NPAS3: variants seen among roughly 807,000 people sequenced by gnomAD.
NPAS3 encodes neuronal PAS domain protein 3, also known as neuronal PAS domain-containing protein 3.
NPAS3 carries 14 observed loss-of-function variants against 73.1 expected under a neutral mutation model. The observed-to-expected ratio is 0.19, with a 90% CI of 0.13 to 0.30. The LOEUF (loss-of-function observed/expected upper bound fraction) is 0.30. Among genes scored for constraint, NPAS3 ranks in the 10% least tolerant of loss-of-function variants. The pLI is 1.00. For missense variants in NPAS3, 1,096 were observed against 1,250.0 expected (o/e 0.88, Z 1.86); for synonymous variants, 620 against 541.5 (o/e 1.14, Z -2.01).
At chr14:33,384,599 C>T (rs1594808872) in intron 4 of NPAS3, among the ~76,000 whole-genome samples, 1 of 152,162 alleles carries the variant, frequency 6.6e-6, no homozygotes, top group South Asian at 2.1e-4. Context: ...CATGGTGGCA[C>T]ATGCCTGTAA....
At chr14:33,299,268 A>T (rs1462026142) in intron 3 of NPAS3, among the ~76,000 whole-genome samples, 4 of 152,116 alleles carry the variant, frequency 2.6e-5, no homozygotes, top group Admixed American at 1.3e-4. Flanking sequence ...GTTAGGGAAG[A>T]GTTATTTCCA....
At chr14:33,592,446 G>T (rs1372621840) in intron 5 of NPAS3, among the ~76,000 whole-genome samples, 1 of 152,196 alleles carries the variant, frequency 6.6e-6, no homozygotes, top group Non-Finnish European at 1.5e-5. Context: ...GTGATTGAGT[G>T]TTGGATGACT....
chr14:33,559,906 C>G (rs991274140), intron 4 of NPAS3, among the ~76,000 whole-genome samples: 1 of 151,672 alleles, frequency 6.6e-6, no homozygotes, highest in African/African-American at 2.4e-5. Flanking sequence ...GTAGTCCCAG[C>G]TACTCGGGAG....
intron 4 of NPAS3, among the ~76,000 whole-genome samples, chr14:33,533,200 A>G (rs73267090): frequency 2.1e-3 from 326 of 152,272 alleles, no homozygotes; most frequent in African/African-American, 7.1e-3. Context: ...AACAAAAGAT[A>G]CCGTAAATAA....
At position 33,617,640 on chromosome 14, in the gene NPAS3, T is replaced by C. The variant is rs371627271; in HGVS notation, c.558+57430T>C. ...CTCAAAATTAATATACATTTTAGAG[T>C]AATCACTGGTGACCCTGAGATTTGC... On this transcript the variant is annotated intron_variant, in intron 5 of 11. Coordinates refer to ENST00000356141, the Ensembl canonical transcript of NPAS3. Among the ~76,000 whole-genome samples the C allele has an allele frequency of 2.0e-3, 304 of 152,278 alleles. 3 individuals carry two copies. The highest frequency in any genetic ancestry group is 0.01 in the Middle Eastern group (3 of 294).
chr14:33,409,767 A>T (rs2047837213), intron 4 of NPAS3, among the ~76,000 whole-genome samples: 1 of 152,184 alleles, frequency 6.6e-6, no homozygotes, highest in Admixed American at 6.6e-5. Flanking sequence ...ACTACAGAGA[A>T]GAGTAAGAAT....
At chr14:33,160,479 C>T (rs532107153) in intron 2 of NPAS3, among the ~76,000 whole-genome samples, 154 of 102,774 alleles carry the variant, frequency 1.5e-3, no homozygotes, top group Non-Finnish European at 2.2e-3. Context: ...CATCACACAC[C>T]GGGGCCTGTT....
At chr14:33,632,923 C>T (rs1411224350) in intron 5 of NPAS3, among the ~76,000 whole-genome samples, 1 of 152,116 alleles carries the variant, frequency 6.6e-6, no homozygotes. Flanking sequence ...CATTCCATCC[C>T]TATAGGACAA....
rs578050692 is a variant in NPAS3, at chr14:33,111,180, G to A, written c.140+55186G>A. Among the ~76,000 whole-genome samples, 32 of 152,312 alleles carry A rather than the reference G, an allele frequency of 2.1e-4. No individual in the cohort carries two copies. In the South Asian group the frequency reaches 4.6e-3, roughly 22 times the overall value. Reference sequence around the variant, plus strand: ...GCTGGGGTGATACTCACTGAGCCAGGCAGAAAGCCTGAAGGGAGCAAGGCC... The same window carrying A: ...GCTGGGGTGATACTCACTGAGCCAGACAGAAAGCCTGAAGGGAGCAAGGCC... On this transcript the variant is annotated intron_variant, in intron 2 of 11. Coordinates refer to ENST00000356141, the Ensembl canonical transcript of NPAS3.
At chr14:33,504,556 C>T (rs2052668591) in intron 4 of NPAS3, among the ~76,000 whole-genome samples, 1 of 151,918 alleles carries the variant, frequency 6.6e-6, no homozygotes, top group Admixed American at 6.6e-5. Context: ...GGTAACAGCC[C>T]TTTTGCAGTA....
At chr14:33,566,507 A>C (rs1319051724) in intron 5 of NPAS3, among the ~76,000 whole-genome samples, 1 of 151,912 alleles carries the variant, frequency 6.6e-6, no homozygotes, top group African/African-American at 2.4e-5. Flanking sequence ...ATCCATAATT[A>C]TGAACGAGCC....
At chr14:33,552,765 T>C (rs1263194658) in intron 4 of NPAS3, among the ~76,000 whole-genome samples, 1 of 152,152 alleles carries the variant, frequency 6.6e-6, no homozygotes, top group East Asian at 1.9e-4. Context: ...GTGACATTTT[T>C]AGGCCATTCA....
intron 3 of NPAS3, among the ~76,000 whole-genome samples, chr14:33,257,594 A>C (rs1209880291): frequency 6.6e-6 from 1 of 152,212 alleles, no homozygotes; most frequent in Non-Finnish European, 1.5e-5. Flanking sequence ...TGAAGAAGAA[A>C]GTGTGCCATA....
At chr14:33,769,782 T>TTTTTG (rs2062591966) in intron 7 of NPAS3, among the ~76,000 whole-genome samples, 1 of 142,308 alleles carries the variant, frequency 7.0e-6, no homozygotes, top group African/African-American at 2.7e-5. Context: ...TTTTTTTTTT[T>TTTTTG]GAGACAAGAT....
At chr14:33,471,002 T>A (rs1293167914) in intron 4 of NPAS3, among the ~76,000 whole-genome samples, 1 of 152,118 alleles carries the variant, frequency 6.6e-6, no homozygotes, top group Non-Finnish European at 1.5e-5. Flanking sequence ...CCTCATGGCT[T>A]TGAGCAGTTT....
chr14:33,147,598 G>A (rs1052905764), intron 2 of NPAS3, among the ~76,000 whole-genome samples: 4 of 150,050 alleles, frequency 2.7e-5, no homozygotes, highest in East Asian at 3.9e-4. Flanking sequence ...TCGGGGGAGG[G>A]ATAGCATTAG....
chr14:33,713,819 T>C (rs968770413), intron 6 of NPAS3, among the ~76,000 whole-genome samples: 1 of 152,230 alleles, frequency 6.6e-6, no homozygotes, highest in South Asian at 2.1e-4. Flanking sequence ...GTCATACCTG[T>C]GATATGTCCA....
chr14:33,128,948 T>C lies in NPAS3; in HGVS notation c.140+72954T>C, dbSNP rs1595508418. ...TCATCCTCCATATGCTCTTTTCATA[T>C]ACTGACAATCTCTTTTTGTCACTTT... On this transcript the variant is annotated intron_variant, in intron 2 of 11. Coordinates refer to ENST00000356141, the Ensembl canonical transcript of NPAS3. Among the ~76,000 whole-genome samples the C allele has an allele frequency of 3.9e-5, 6 of 152,290 alleles. No individual in the cohort carries two copies. In the East Asian group the frequency reaches 5.8e-4, roughly 15 times the overall value.
At chr14:33,092,322 A>G (rs981487341) in intron 2 of NPAS3, among the ~76,000 whole-genome samples, 4 of 152,210 alleles carry the variant, frequency 2.6e-5, no homozygotes, top group East Asian at 1.9e-4. Flanking sequence ...TTATACACTA[A>G]TAACAGACAA....
Sources: allele counts gnomAD v4.1 joint callset (sites outside exome capture counted in the v4.1 genomes callset), GRCh38; gene constraint gnomAD v4.1.1; transcripts MANE v1.5; gene names NCBI Gene and HGNC (gene_info 2026-07-23, HGNC 2026-07-21).